The following ZFHX3 variants were observed in gnomAD, a reference collection of about 807,000 sequenced individuals.
ZFHX3 encodes zinc finger homeobox protein 3.
Under a neutral mutation model 279.1 loss-of-function variants are expected in ZFHX3, and 42 were observed. The observed-to-expected ratio is 0.15, with a 90% CI of 0.12 to 0.19. The LOEUF is 0.19. Among genes scored for constraint, ZFHX3 ranks in the 10% least tolerant of loss-of-function variants. The pLI, the probability that ZFHX3 is intolerant of heterozygous loss-of-function variation, is 1.00. For synonymous variants in ZFHX3, 2,293 were observed against 1,957.8 expected (o/e 1.17, Z -4.52); for missense variants, 4,981 against 4,754.0 (o/e 1.05, Z -1.40).
chr16:72,860,294 C>CT (rs1355692043), intron 4 of ZFHX3, among the ~76,000 whole-genome samples: 1 of 152,140 alleles, frequency 6.6e-6, no homozygotes, highest in Non-Finnish European at 1.5e-5. Flanking sequence ...GGTGGAACGG[C>CT]TCTGTTTTCC....
intron 5 of ZFHX3, among the ~76,000 whole-genome samples, chr16:73,193,226 A>T (rs2144890832): frequency 6.6e-6 from 1 of 152,310 alleles, no homozygotes. Context: ...TGTGGGTCCT[A>T]TTCACAGCTC....
At chr16:73,357,949 C>T (rs192852086) in intron 3 of ZFHX3, among the ~76,000 whole-genome samples, 245 of 152,340 alleles carry the variant, frequency 1.6e-3, no homozygotes, top group Middle Eastern at 0.01. Context: ...CACCCAGCAA[C>T]GTCTGGATCT....
At chr16:72,956,383 C>G (rs1398634144) in intron 2 of ZFHX3, among the ~76,000 whole-genome samples, 1 of 152,184 alleles carries the variant, frequency 6.6e-6, no homozygotes, top group Non-Finnish European at 1.5e-5. Context: ...CGGGATGGGA[C>G]GCAGGCAGGA....
chr16:73,131,584 T>C (rs1966681969), intron 6 of ZFHX3, among the ~76,000 whole-genome samples: 1 of 152,160 alleles, frequency 6.6e-6, no homozygotes, highest in Non-Finnish European at 1.5e-5. Flanking sequence ...AAGTGTGAGC[T>C]GACACAGTGA....
intron 2 of ZFHX3, among the ~76,000 whole-genome samples, chr16:73,604,548 A>G (rs1597023243): frequency 6.6e-6 from 1 of 152,242 alleles, no homozygotes; most frequent in South Asian, 2.1e-4. Context: ...GTTCAATACC[A>G]GCCTGGCCAA....
At chr16:73,213,116 C>T (rs2012077937) in intron 5 of ZFHX3, among the ~76,000 whole-genome samples, 1 of 152,176 alleles carries the variant, frequency 6.6e-6, no homozygotes, top group Non-Finnish European at 1.5e-5. Context: ...TAGGACATAG[C>T]TTCCCAAAAG....
intron 4 of ZFHX3, among the ~76,000 whole-genome samples, chr16:72,881,186 T>C (rs4788671): frequency 0.32 from 48,511 of 152,168 alleles, 8,945 homozygotes; most frequent in Non-Finnish European, 0.44. Context: ...AAGTTAACCA[T>C]GAGCCCCATG....
At chr16:73,252,575 T>A (rs1487922965) in intron 5 of ZFHX3, among the ~76,000 whole-genome samples, 1 of 151,906 alleles carries the variant, frequency 6.6e-6, no homozygotes, top group Non-Finnish European at 1.5e-5. Flanking sequence ...CACTGGGAGT[T>A]TAAGTTCAAG....
At chr16:73,091,677 T>A (rs937860258) in intron 8 of ZFHX3, among the ~76,000 whole-genome samples, 3 of 152,244 alleles carry the variant, frequency 2.0e-5, no homozygotes, top group Non-Finnish European at 2.9e-5. Flanking sequence ...TATTTTACGA[T>A]CTTCATGGGA....
At chr16:72,971,015 C>T (rs909711371) in intron 1 of ZFHX3, among the ~76,000 whole-genome samples, 7 of 152,170 alleles carry the variant, frequency 4.6e-5, no homozygotes, top group Non-Finnish European at 7.3e-5. Flanking sequence ...GCTAGAGAAC[C>T]ACTGGTAGGT....
At chr16:72,948,236 AACCTCAGGCTGG>A (rs1960801249) in intron 3 of ZFHX3, among the ~76,000 whole-genome samples, 3 of 152,158 alleles carry the variant, frequency 2.0e-5, no homozygotes, top group African/African-American at 7.2e-5. Context: ...TTCTGCCCTG[AACCTCAGGCTGG>A]TCACTCCGGG....
chr16:72,871,049 T>C (rs1467243022), intron 4 of ZFHX3, among the ~76,000 whole-genome samples: 2 of 152,218 alleles, frequency 1.3e-5, no homozygotes, highest in African/African-American at 2.4e-5. Flanking sequence ...AGATTATGAA[T>C]GCGAGAGAGA....
At chr16:73,866,411 C>T (rs1962022984) in intron 1 of ZFHX3, among the ~76,000 whole-genome samples, 1 of 151,734 alleles carries the variant, frequency 6.6e-6, no homozygotes, top group African/African-American at 2.4e-5. Context: ...ACTCTGCCCG[C>T]CTCAGCCTCC....
intron 1 of ZFHX3, among the ~76,000 whole-genome samples, chr16:73,834,850 AC>A (rs1391781245): frequency 6.6e-6 from 1 of 152,090 alleles, no homozygotes; most frequent in African/African-American, 2.4e-5. Flanking sequence ...TACCAGCACC[AC>A]GGCATTCCAG....
Position 73,233,391 on chromosome 16 carries a change from C to T in ZFHX3, c.-1104+23656G>A, listed in dbSNP as rs147292932. Among the ~76,000 whole-genome samples the T allele has an allele frequency of 2.9e-3, 443 of 152,262 alleles. 9 individuals are homozygous for T. The South Asian group carries it at 0.046, about 16-fold the overall frequency. On this transcript the variant is annotated intron_variant, in intron 5 of 17. Transcript: ENST00000641206. ...AATAAAAACCAACCTGTGTCCTTTC[C>T]TTTTTATGGGAGGCTTCTGCTTCAG...
intron 2 of ZFHX3, among the ~76,000 whole-genome samples, chr16:73,544,247 C>T (rs1317730803): frequency 1.3e-5 from 2 of 152,134 alleles, no homozygotes; most frequent in Non-Finnish European, 2.9e-5. Flanking sequence ...ATTTCCGCAT[C>T]GCCACAAATG....
At chr16:73,612,332 C>A (rs1358479994) in intron 2 of ZFHX3, among the ~76,000 whole-genome samples, 2 of 152,156 alleles carry the variant, frequency 1.3e-5, no homozygotes, top group Non-Finnish European at 2.9e-5. Context: ...CAAACAATAG[C>A]AGCTGCATTT....
At chr16:73,048,619 G>A (rs1965388634), upstream of ZFHX3, among the ~76,000 whole-genome samples, 1 of 152,242 alleles carries the variant, frequency 6.6e-6, no homozygotes, top group African/African-American at 2.4e-5. Context: ...ACTAAAAGGA[G>A]CCTGAGGCCT....
rs182036825 is a variant in ZFHX3 at position 72,953,066 on chromosome 16, C to T, written c.2720-2101G>A. ...CTTTTTTTTATGATTTTCTTATTGACGCTACACAAGTCACCTCGAGTGATA... is the reference window on the plus strand; with the variant it reads ...CTTTTTTTTATGATTTTCTTATTGATGCTACACAAGTCACCTCGAGTGATA... On this transcript the variant is annotated intron_variant, in intron 2 of 9. Coordinates refer to ENST00000268489, the MANE Select transcript of ZFHX3 (RefSeq NM_006885.4). Among the ~76,000 whole-genome samples, 141 of 152,112 alleles carry T rather than the reference C, an allele frequency of 9.3e-4. 1 individual carries two copies. The highest frequency in any genetic ancestry group is 1.1e-3 in the Non-Finnish European group (73 of 67,998).
Sources: allele counts gnomAD v4.1 joint callset (sites outside exome capture counted in the v4.1 genomes callset), GRCh38; gene constraint gnomAD v4.1.1; transcripts MANE v1.5; gene names NCBI Gene and HGNC (gene_info 2026-07-23, HGNC 2026-07-21).